The following PLXNA4 variants were observed in gnomAD, a reference collection of about 807,000 sequenced individuals.
PLXNA4 encodes the protein plexin A4, also known as plexin-A4.
Under a neutral mutation model 191.8 loss-of-function variants are expected in PLXNA4, and 44 were observed. The ratio of observed to expected loss-of-function variants is 0.23; its 90% confidence interval spans 0.18 to 0.29. The LOEUF is 0.29. PLXNA4 is among the 10% of genes least tolerant of loss of function. The pLI is 1.00. For synonymous variants in PLXNA4, 1,082 were observed against 1,009.5 expected, an observed-to-expected ratio of 1.07 and a Z score of -1.36; for missense variants, 1,800 against 2,488.8, an observed-to-expected ratio of 0.72 and a Z score of 5.89.
chr7:132,401,589 A>G (rs1258874383), intron 3 of PLXNA4, among the ~76,000 whole-genome samples: 8 of 152,216 alleles, frequency 5.3e-5, no homozygotes. Flanking sequence ...GGATGAGGGA[A>G]GACTTCATGG....
chr7:132,226,301 C>A, intron 7 of PLXNA4, 41 bp from the exon 8 acceptor site: 2 of 1,542,528 alleles, frequency 1.3e-6, no homozygotes, highest in South Asian at 1.1e-5. Context: ...AATGCTGAGG[C>A]CCCAAGCCAG....
chr7:132,530,452 G>C (rs1306371698), intron 1 of PLXNA4, among the ~76,000 whole-genome samples: 2 of 152,156 alleles, frequency 1.3e-5, no homozygotes, highest in African/African-American at 4.8e-5. Flanking sequence ...ATGACTTAAA[G>C]AGATGTTTCT....
At chr7:132,248,293 G>GAACTC (rs2117066927) in intron 4 of PLXNA4, among the ~76,000 whole-genome samples, 1 of 152,342 alleles carries the variant, frequency 6.6e-6, no homozygotes, top group African/African-American at 2.4e-5. Context: ...GCTTGAAGCA[G>GAACTC]AACTGCCCAG....
chr7:132,151,307 G>GAGA (rs1328505787), intron 25 of PLXNA4, among the ~76,000 whole-genome samples: 6 of 52,996 alleles, frequency 1.1e-4, no homozygotes, highest in Non-Finnish European at 1.0e-4. Context: ...GAAGGAGGAG[G>GAGA]AAGAAGGAGG....
intron 2 of PLXNA4, among the ~76,000 whole-genome samples, chr7:132,500,421 C>G (rs914946736): frequency 8.0e-5 from 12 of 149,542 alleles, no homozygotes; most frequent in African/African-American, 2.5e-5. Flanking sequence ...CCACCCTGGG[C>G]AACAAGAGTG....
At chr7:132,440,623 T>A (rs1421449119) in intron 3 of PLXNA4, among the ~76,000 whole-genome samples, 1 of 152,206 alleles carries the variant, frequency 6.6e-6, no homozygotes, top group African/African-American at 2.4e-5. Flanking sequence ...AAGCTGCTAG[T>A]GAATGCTTTT....
chr7:132,162,130 C>T (rs1795969653), intron 24 of PLXNA4, among the ~76,000 whole-genome samples: 2 of 152,240 alleles, frequency 1.3e-5, no homozygotes, highest in Admixed American at 6.5e-5. Context: ...CTCCAGCCAC[C>T]GCCGAGTTCC....
chr7:132,617,917 T>C (rs139370469), intron 2 of PLXNA4, among the ~76,000 whole-genome samples: 75 of 152,382 alleles, frequency 4.9e-4, no homozygotes, highest in African/African-American at 1.6e-3. Context: ...TGCTTCATTC[T>C]TTCTCCTCTG....
intron 3 of PLXNA4, among the ~76,000 whole-genome samples, chr7:132,467,894 T>A (rs953325663): frequency 2.0e-5 from 3 of 152,200 alleles, no homozygotes. Flanking sequence ...CACTTTGGAA[T>A]GCCAACATGT....
chr7:132,256,654 T>C (rs1799442402), intron 4 of PLXNA4, among the ~76,000 whole-genome samples: 1 of 152,198 alleles, frequency 6.6e-6, no homozygotes, highest in Admixed American at 6.5e-5. Flanking sequence ...TGCTGGTGCC[T>C]GGGCCAAGCT....
chr7:132,383,371 T>G, intron 3 of PLXNA4: 1 of 227,724 alleles, frequency 4.4e-6, no homozygotes, highest in Non-Finnish European at 7.3e-6. Flanking sequence ...TCAAAATTTA[T>G]TTTTTCCAAA....
Position 132,410,718 on chromosome 7 carries a change from C to A in PLXNA4, c.1371+78574G>T, listed in dbSNP as rs142993569. On this transcript the variant is annotated intron_variant, in intron 3 of 31. Transcript: ENST00000321063. ...CATGCAATCACTCCCCTCCCCAAGG[C>A]GCTGGTGGGGAAGACTGCTATCGTT... 2.8e-3 allele frequency among the ~76,000 whole-genome samples: 432 copies of A among 152,330 alleles called. 1 individual carries two copies. Among genetic ancestry groups the A allele is most frequent in the Non-Finnish European group, 4.0e-3 (274 of 68,020 alleles).
intron 5 of PLXNA4, among the ~76,000 whole-genome samples, chr7:132,234,637 T>C (rs1312501030): frequency 6.6e-6 from 1 of 151,190 alleles, no homozygotes; most frequent in Admixed American, 6.6e-5. Flanking sequence ...TGTATGTGTA[T>C]TGGGGGCTTG....
At chr7:132,437,311 G>A (rs562897827) in intron 3 of PLXNA4, among the ~76,000 whole-genome samples, 6 of 152,278 alleles carry the variant, frequency 3.9e-5, no homozygotes, top group African/African-American at 9.6e-5. Context: ...GCCTCCCTTC[G>A]TGGTCCTAAG....
intron 25 of PLXNA4, among the ~76,000 whole-genome samples, chr7:132,149,951 T>C (rs569633998): frequency 1.1e-4 from 17 of 152,340 alleles, no homozygotes; most frequent in African/African-American, 3.8e-4. Context: ...GCATGCCCTT[T>C]GGAATAGCAG....
At chr7:132,634,392 C>G (rs979059415) in intron 2 of PLXNA4, among the ~76,000 whole-genome samples, 3 of 151,966 alleles carry the variant, frequency 2.0e-5, no homozygotes, top group Non-Finnish European at 4.4e-5. Flanking sequence ...GCCTCTCTGA[C>G]ATGGTTCCAT....
intron 3 of PLXNA4, among the ~76,000 whole-genome samples, chr7:132,334,839 G>A (rs911877352): frequency 1.3e-5 from 2 of 152,126 alleles, no homozygotes; most frequent in Non-Finnish European, 2.9e-5. Context: ...ATTGAATGGC[G>A]CCATAACAAA....
chr7:132,518,258 G>A (rs1799019666), intron 1 of PLXNA4, among the ~76,000 whole-genome samples: 1 of 152,176 alleles, frequency 6.6e-6, no homozygotes, highest in Non-Finnish European at 1.5e-5. Context: ...GAGCCAGAGG[G>A]TAGGGTTGAC....
At chr7:132,411,326 G>A (rs1361368425) in intron 3 of PLXNA4, among the ~76,000 whole-genome samples, 1 of 152,116 alleles carries the variant, frequency 6.6e-6, no homozygotes, top group Non-Finnish European at 1.5e-5. Context: ...CTGGCACCTC[G>A]CCACCTGTTC....
Sources: gnomAD v4.1 joint callset for allele counts (sites outside exome capture counted in the v4.1 genomes callset) on GRCh38, gnomAD v4.1.1 for gene constraint, MANE v1.5 for transcripts, NCBI Gene and HGNC (gene_info 2026-07-23, HGNC 2026-07-21) for gene names.